The following DAAM1 variants were observed in gnomAD, a reference collection of about 807,000 sequenced individuals.
The protein encoded by DAAM1 is dishevelled associated activator of morphogenesis 1.
Under a neutral mutation model 130.0 loss-of-function variants are expected in DAAM1, and 52 were observed. The observed-to-expected ratio is 0.40, with a 90% CI of 0.32 to 0.50. The LOEUF (loss-of-function observed/expected upper bound fraction) is 0.50, where lower values mean the gene tolerates loss of function less well. DAAM1 is among the 20% of genes least tolerant of loss of function. The pLI, the probability that DAAM1 is intolerant of heterozygous loss-of-function variation, is 0.61. For synonymous variants in DAAM1, 452 were observed against 444.5 expected (o/e 1.02, Z -0.21); for missense variants, 1,134 against 1,303.8 (o/e 0.87, Z 2.01).
At chr14:59,364,251 A>G (rs1886826373) in intron 23 of DAAM1, among the ~76,000 whole-genome samples, 1 of 152,180 alleles carries the variant, frequency 6.6e-6, no homozygotes, top group African/African-American at 2.4e-5. Flanking sequence ...GCCTTGGAGG[A>G]CAGGATACTA....
At chr14:59,280,571 G>A (rs1290249501) in intron 2 of DAAM1, among the ~76,000 whole-genome samples, 1 of 76,762 alleles carries the variant, frequency 1.3e-5, no homozygotes, top group Non-Finnish European at 2.3e-5. Context: ...TTTCTGCTAT[G>A]TCAGACTGCT....
Position 59,369,707 on chromosome 14 carries a change from T to C in DAAM1, c.*848T>C, listed in dbSNP as rs1435877785. ...TAAACCTTAAAAATAATAAAATATC[T>C]CACCCAAGACTTAAAGGAAGAATTC... On this transcript the variant is annotated 3_prime_UTR_variant, in exon 25 of 25. Transcript: ENST00000360909. 2.4e-5 allele frequency: 3 copies of C among 126,856 alleles called. No homozygotes were observed. Among genetic ancestry groups the C allele is most frequent in the Non-Finnish European group, 4.8e-5 (3 of 62,336 alleles). The allele number at this position is 126,856 out of a possible 1,614,324, so 7.9% of individuals were successfully genotyped here.
intron 2 of DAAM1, among the ~76,000 whole-genome samples, chr14:59,269,900 G>A (rs1319882891): frequency 1.3e-5 from 2 of 152,210 alleles, no homozygotes; most frequent in African/African-American, 4.8e-5. Context: ...CAGGAAGCTA[G>A]AGGGATTGGA....
chr14:59,207,157 A>C (rs1042059892), intron 1 of DAAM1, among the ~76,000 whole-genome samples: 1 of 152,232 alleles, frequency 6.6e-6, no homozygotes, highest in Non-Finnish European at 1.5e-5. Flanking sequence ...TCATCTATCC[A>C]CAATCAGAAA....
At chr14:59,326,886 G>A in intron 11 of DAAM1, 47 bp from the exon 12 acceptor site, 1 of 1,609,360 alleles carries the variant, frequency 6.2e-7, no homozygotes, top group East Asian at 2.2e-5. Context: ...GTTAGCAGTG[G>A]ACCTTTTATA....
At chr14:59,327,228 T>TTA (rs1011516930) in intron 12 of DAAM1, among the ~76,000 whole-genome samples, 4 of 151,998 alleles carry the variant, frequency 2.6e-5, no homozygotes, top group African/African-American at 9.7e-5. Flanking sequence ...TTTGAAAAGC[T>TTA]TATAGCATTT....
intron 1 of DAAM1, among the ~76,000 whole-genome samples, chr14:59,192,486 T>G (rs776125296): frequency 2.6e-5 from 4 of 152,188 alleles, no homozygotes; most frequent in Non-Finnish European, 5.9e-5. Flanking sequence ...CTCCCTGGCT[T>G]CAAGCCGTGC....
In DAAM1 at chr14:59,352,545, A is replaced by C; in HGVS notation, c.2180A>C (p.Glu727Ala). Residue 727 changes from glutamate to alanine, a missense_variant, in exon 18 of 25, where the codon GAA becomes GCA. Coordinates refer to ENST00000360909, the MANE Select transcript of DAAM1 (RefSeq NM_001270520.2). Reference protein sequence around the residue: ...MLEQLLKFVPEKSDIDLLEEH... With the variant: ...MLEQLLKFVPAKSDIDLLEEH... ...TTTCAGCTCTTGAAATTTGTTCCTGAAAAAAGTGACATTGACCTATTGGAG... is the reference window on the plus strand; with the variant it reads ...TTTCAGCTCTTGAAATTTGTTCCTGCAAAAAGTGACATTGACCTATTGGAG... 1 of 1,613,014 alleles carries C rather than the reference A, an allele frequency of 6.2e-7. No homozygotes were observed. Among genetic ancestry groups the C allele is most frequent in the South Asian group, 1.1e-5 (1 of 90,758 alleles).
intron 1 of DAAM1, among the ~76,000 whole-genome samples, chr14:59,230,843 C>A (rs1346393594): frequency 1.3e-5 from 2 of 152,044 alleles, no homozygotes; most frequent in African/African-American, 4.8e-5. Flanking sequence ...ATCTAATGCA[C>A]CTCACAGATA....
Position 59,247,625 on chromosome 14 carries a change from G to C in DAAM1, c.-37-15816G>C, listed in dbSNP as rs376244441. On this transcript the variant is annotated intron_variant, in intron 1 of 24. Transcript: ENST00000360909. ...TGAAAGTTAATTTAATTTTTAAAAA[G>C]ACTAGTTTTACAAACAAATAATAGC... Among the ~76,000 whole-genome samples, 7 of 151,486 alleles carry C rather than the reference G, an allele frequency of 4.6e-5. No individual in the cohort carries two copies. The South Asian group carries it at 1.5e-3, about 32-fold the overall frequency.
chr14:59,356,290 A>G (rs376090734), intron 20 of DAAM1, among the ~76,000 whole-genome samples: 3 of 152,232 alleles, frequency 2.0e-5, no homozygotes. Context: ...GCAACCTTAA[A>G]TCCATCCAAG....
chr14:59,353,476 C>T (rs1886363253), intron 18 of DAAM1, among the ~76,000 whole-genome samples: 1 of 152,218 alleles, frequency 6.6e-6, no homozygotes, highest in Non-Finnish European at 1.5e-5. Flanking sequence ...GTGTACGGAA[C>T]TGTCCTTTAT....
chr14:59,198,471 C>T (rs757358718), intron 1 of DAAM1, among the ~76,000 whole-genome samples: 6 of 152,050 alleles, frequency 3.9e-5, no homozygotes, highest in African/African-American at 7.2e-5. Context: ...CCTCATGATC[C>T]GCCTGCCTCG....
At chr14:59,213,014 A>G (rs1242684729) in intron 1 of DAAM1, among the ~76,000 whole-genome samples, 1 of 152,038 alleles carries the variant, frequency 6.6e-6, no homozygotes, top group Admixed American at 6.6e-5. Context: ...CCCTTGTAAT[A>G]CTTCTGCCCC....
chr14:59,212,248 C>T (rs2139412690), intron 1 of DAAM1, among the ~76,000 whole-genome samples: 1 of 152,116 alleles, frequency 6.6e-6, no homozygotes, highest in East Asian at 1.9e-4. Flanking sequence ...TGCCATAATT[C>T]ATTTAGTATA....
In DAAM1 at chr14:59,326,007, G is replaced by A; in HGVS notation, c.1104G>A (p.Arg368=). 2 of 1,614,204 alleles carry A rather than the reference G, an allele frequency of 1.2e-6. No individual in the cohort carries two copies. ...CAACTCAGATGTTTGAGCTGACCAG[G>A]AAGAGGCTGACACATAGTGAAGCTT... ...KSATQMFELT[R]KRLTHSEAYP... Residue 368 remains arginine, a synonymous_variant, in exon 10 of 25, where the codon AGG becomes AGA. Coordinates refer to ENST00000360909, the MANE Select transcript of DAAM1 (RefSeq NM_001270520.2).
At chr14:59,336,420 T>C (rs1885628598) in intron 15 of DAAM1, among the ~76,000 whole-genome samples, 1 of 150,524 alleles carries the variant, frequency 6.6e-6, no homozygotes, top group Non-Finnish European at 1.5e-5. Flanking sequence ...AAGTATCTTT[T>C]GTTACTTCTC....
At chr14:59,348,469 G>T (rs1886165537) in intron 17 of DAAM1, among the ~76,000 whole-genome samples, 2 of 152,158 alleles carry the variant, frequency 1.3e-5, no homozygotes, top group South Asian at 4.1e-4. Context: ...GTGCTCTGTG[G>T]TGATAGTCTC....
At chr14:59,323,780 C>A (rs1413810429) in intron 6 of DAAM1, among the ~76,000 whole-genome samples, 1 of 152,070 alleles carries the variant, frequency 6.6e-6, no homozygotes, top group Non-Finnish European at 1.5e-5. Context: ...CACCTCTAAT[C>A]CCAGCACTTT....
Sources: allele counts gnomAD v4.1 joint callset (sites outside exome capture counted in the v4.1 genomes callset), GRCh38; gene constraint gnomAD v4.1.1; transcripts MANE v1.5; gene names NCBI Gene and HGNC (gene_info 2026-07-23, HGNC 2026-07-21).